The following CLYBL variants were observed in gnomAD, a reference collection of about 807,000 sequenced individuals.
The protein encoded by CLYBL is citramalyl-CoA lyase, mitochondrial.
CLYBL carries 31 observed loss-of-function variants against 38.9 expected under a neutral mutation model. The observed-to-expected ratio is 0.80, with a 90% confidence interval of 0.60 to 1.08. The LOEUF (loss-of-function observed/expected upper bound fraction) is 1.08. Ranked by LOEUF, CLYBL falls within the 50% of genes least tolerant of loss-of-function variation. CLYBL has a pLI of 0.00. For missense variants in CLYBL, 434 were observed against 411.6 expected (o/e 1.05, Z -0.47); for synonymous variants, 171 against 158.6 (o/e 1.08, Z -0.59).
chr13:99,862,882 C>T (rs1243713479), intron 3 of CLYBL, 109 bp from the exon 4 acceptor site: 4 of 473,136 alleles, frequency 8.5e-6, no homozygotes, highest in Admixed American at 8.0e-5. Flanking sequence ...ACGAAAGAGG[C>T]TTGGATATTA....
rs377186858 is a variant in CLYBL, at chr13:99,641,408, G to A, written c.62+34651G>A. ...AACACGGCCAGGTGCAGTGGCTCACGCCTGTAATCCCAGCACTTTGGGAGG... is the reference window on the plus strand; with the variant it reads ...AACACGGCCAGGTGCAGTGGCTCACACCTGTAATCCCAGCACTTTGGGAGG... On this transcript the variant is annotated intron_variant, in intron 1 of 8. Coordinates refer to ENST00000339105, the MANE Select transcript of CLYBL (RefSeq NM_206808.5). Among the ~76,000 whole-genome samples the A allele has an allele frequency of 3.0e-4, 45 of 152,230 alleles. 1 individual carries two copies. The South Asian group carries it at 6.0e-3, about 20-fold the overall frequency.
intron 1 of CLYBL, among the ~76,000 whole-genome samples, chr13:99,685,004 G>A (rs1330119389): frequency 6.6e-6 from 1 of 152,156 alleles, no homozygotes; most frequent in Admixed American, 6.5e-5. Flanking sequence ...AAAATACTTT[G>A]GTTTTTAATA....
intron 1 of CLYBL, among the ~76,000 whole-genome samples, chr13:99,641,788 G>C (rs970470157): frequency 2.0e-5 from 3 of 152,026 alleles, no homozygotes; most frequent in Admixed American, 1.3e-4. Flanking sequence ...CTCCAGCCTG[G>C]GTGACAGAGC....
intron 1 of CLYBL, among the ~76,000 whole-genome samples, chr13:99,767,761 A>G (rs1377271881): frequency 6.6e-6 from 1 of 152,112 alleles, no homozygotes; most frequent in African/African-American, 2.4e-5. Flanking sequence ...TTTCATTTCA[A>G]TTATTGTACT....
At chr13:99,830,301 C>T (rs933119913) in intron 2 of CLYBL, among the ~76,000 whole-genome samples, 3 of 152,202 alleles carry the variant, frequency 2.0e-5, no homozygotes, top group Non-Finnish European at 2.9e-5. Flanking sequence ...TCTATGCACA[C>T]ATCCTAAGGA....
In CLYBL at chr13:99,869,050, A is replaced by G. The variant is rs1239329478; in HGVS notation, c.803-1888A>G. Among the ~76,000 whole-genome samples the G allele has an allele frequency of 6.6e-6, 1 of 152,146 alleles. No individual in the cohort carries two copies. The highest frequency in any genetic ancestry group is 1.5e-5 in the Non-Finnish European group (1 of 68,004). On this transcript the variant is annotated intron_variant, in intron 6 of 8. Transcript: ENST00000339105. This position sits in a 1 kb window ranked among gnomAD's most constrained non-coding sequence, Gnocchi z 4.3. ...CAATAACAACTCTTTTGTATAAAAT[A>G]TTTGCCTGGTTCCCACATGCCATTA...
chr13:99,746,662 A>G (rs1240446168), intron 1 of CLYBL, among the ~76,000 whole-genome samples: 4 of 152,170 alleles, frequency 2.6e-5, no homozygotes, highest in Admixed American at 2.6e-4. Flanking sequence ...CAAAATTATT[A>G]ATGATCTCTA....
At chr13:99,717,436 GAAAAAAAAA>G (rs1172721313) in intron 1 of CLYBL, among the ~76,000 whole-genome samples, 5 of 91,110 alleles carry the variant, frequency 5.5e-5, no homozygotes, top group Admixed American at 4.0e-4. Context: ...AAAAAAATTA[GAAAAAAAAA>G]AAAAAAAAAA....
intron 1 of CLYBL, among the ~76,000 whole-genome samples, chr13:99,629,807 G>A (rs1369054248): frequency 6.6e-6 from 1 of 152,158 alleles, no homozygotes; most frequent in Non-Finnish European, 1.5e-5. Flanking sequence ...CTATTGCTCA[G>A]GGTTCCTTTT....
At chr13:99,722,119 G>A (rs1461364901) in intron 1 of CLYBL, among the ~76,000 whole-genome samples, 1 of 152,170 alleles carries the variant, frequency 6.6e-6, no homozygotes, top group Non-Finnish European at 1.5e-5. Context: ...CCAGACCTCA[G>A]GCCTCCTTCC....
intron 1 of CLYBL, among the ~76,000 whole-genome samples, chr13:99,724,124 T>C (rs956462684): frequency 6.6e-6 from 1 of 152,202 alleles, no homozygotes; most frequent in Non-Finnish European, 1.5e-5. Flanking sequence ...AGGGAACAGT[T>C]GTGCCCTGTT....
chr13:99,710,880 CCTTTTTTTTTTTT>C (rs2048219763), intron 1 of CLYBL, among the ~76,000 whole-genome samples: 1 of 134,894 alleles, frequency 7.4e-6, no homozygotes, highest in African/African-American at 2.8e-5. Context: ...GTTTCTAACC[CCTTTTTTTTTTTT>C]TTTTTTTTTT....
At chr13:99,671,445 T>C (rs1418550446) in intron 1 of CLYBL, among the ~76,000 whole-genome samples, 1 of 152,004 alleles carries the variant, frequency 6.6e-6, no homozygotes, top group Non-Finnish European at 1.5e-5. Flanking sequence ...AAGTGCTTGG[T>C]GAAGGCAAGG....
intron 7 of CLYBL, among the ~76,000 whole-genome samples, chr13:99,881,328 G>A (rs914513038): frequency 6.5e-4 from 99 of 152,270 alleles, no homozygotes; most frequent in Admixed American, 2.5e-3. Context: ...TTAAAATACC[G>A]ATGAAATTAT....
At chr13:99,803,619 G>A (rs2084208855) in intron 2 of CLYBL, among the ~76,000 whole-genome samples, 1 of 152,238 alleles carries the variant, frequency 6.6e-6, no homozygotes, top group Non-Finnish European at 1.5e-5. Flanking sequence ...CTCACCTGGG[G>A]TTGATGTGTG....
At chr13:99,794,071 G>A (rs12585089) in intron 2 of CLYBL, among the ~76,000 whole-genome samples, 13,836 of 152,172 alleles carry the variant, frequency 0.091, 760 homozygotes, top group East Asian at 0.14. Flanking sequence ...AGGACCACAG[G>A]TGATTTTTAC....
rs543052606 is a variant in CLYBL at position 99,720,195 on chromosome 13, T to A, written c.63-52629T>A. Among the ~76,000 whole-genome samples, 7 of 152,250 alleles carry A rather than the reference T, an allele frequency of 4.6e-5. 1 individual carries two copies. The South Asian group carries it at 1.5e-3, about 32-fold the overall frequency. ...GAAATTATACATTCTATTTTTTCTT[T>A]TGGTGATTACATTTAAAATTTAATA... On this transcript the variant is annotated intron_variant, in intron 1 of 8. Coordinates refer to ENST00000339105, the MANE Select transcript of CLYBL (RefSeq NM_206808.5).
chr13:99,652,957 A>G (rs942401358), intron 1 of CLYBL, among the ~76,000 whole-genome samples: 1 of 152,216 alleles, frequency 6.6e-6, no homozygotes, highest in African/African-American at 2.4e-5. Flanking sequence ...GACACACCCT[A>G]AAAGCAGATG....
intron 1 of CLYBL, among the ~76,000 whole-genome samples, chr13:99,659,071 T>C (rs1288219240): frequency 6.6e-6 from 1 of 152,200 alleles, no homozygotes. Context: ...TCACATCTGT[T>C]TTTATGCTCT....
Sources: gnomAD v4.1 joint callset for allele counts (sites outside exome capture counted in the v4.1 genomes callset) on GRCh38, gnomAD v4.1.1 for gene constraint, Gnocchi (gnomAD v3.1) non-coding constraint, MANE v1.5 for transcripts, NCBI Gene and HGNC (gene_info 2026-07-23, HGNC 2026-07-21) for gene names.